Variants in LRRC37A2 observed in about 807,000 individuals in gnomAD.
LRRC37A2 encodes the protein leucine rich repeat containing 37 member A2.
Under a neutral mutation model 68.8 loss-of-function variants are expected in LRRC37A2, and 9 were observed. That is an observed-to-expected ratio of 0.13 (90% CI 0.08 to 0.23). LRRC37A2 has a LOEUF of 0.23. LRRC37A2 is among the 10% of genes least tolerant of loss of function. The pLI is 1.00. For synonymous variants in LRRC37A2, 63 were observed against 367.6 expected (o/e 0.17, Z 9.48); for missense variants, 168 against 950.4 (o/e 0.18, Z 10.82).
At chr17:46,751,432 G>C in the LRRC37A2 span, 1 of 1,067,468 alleles carries the variant, frequency 9.4e-7, no homozygotes, top group Non-Finnish European at 1.4e-6. Context: ...TCTTTTAAAG[G>C]TAAATAGAAT....
chr17:46,942,639 G>T, the LRRC37A2 span, among the ~76,000 whole-genome samples: 1 of 152,220 alleles, frequency 6.6e-6, no homozygotes, highest in African/African-American at 2.4e-5. Context: ...GTTCCCTGTT[G>T]GGAAATAATT....
chr17:46,745,572 G>A, the LRRC37A2 span, among the ~76,000 whole-genome samples: 1 of 152,200 alleles, frequency 6.6e-6, no homozygotes, highest in Admixed American at 6.5e-5. Flanking sequence ...CGGCTTTCTG[G>A]AATGAGTAAG....
the LRRC37A2 span, chr17:46,768,529 T>G: frequency 6.2e-7 from 1 of 1,614,206 alleles, no homozygotes; most frequent in Non-Finnish European, 8.5e-7. This position sits in a 1 kb window ranked among gnomAD's most constrained non-coding sequence, Gnocchi z 5.0. Context: ...GTCTCTGGGT[T>G]GGGCTCACAA....
chr17:46,857,266 C>T, the LRRC37A2 span, among the ~76,000 whole-genome samples: 3 of 151,888 alleles, frequency 2.0e-5, no homozygotes, highest in Admixed American at 6.6e-5. Context: ...GTCTGGAGTT[C>T]GAGACCAGCC....
the LRRC37A2 span, chr17:46,936,640 A>T: frequency 1.0e-5 from 10 of 984,988 alleles, no homozygotes; most frequent in Non-Finnish European, 1.2e-5. Context: ...GCTGAAAATG[A>T]ATACATTTTT....
At chr17:46,771,062 C>G in the LRRC37A2 span, among the ~76,000 whole-genome samples, 1 of 152,210 alleles carries the variant, frequency 6.6e-6, no homozygotes, top group African/African-American at 2.4e-5. Flanking sequence ...CGCCTCCCCT[C>G]CTGGGCTGTG....
At chr17:46,739,362 C>T in the LRRC37A2 span, among the ~76,000 whole-genome samples, 1 of 96,586 alleles carries the variant, frequency 1.0e-5, no homozygotes, top group African/African-American at 4.3e-5. Flanking sequence ...CAGAGCGAGA[C>T]TCTGTCTCAA....
At chr17:46,716,261 CTT>C in the LRRC37A2 span, among the ~76,000 whole-genome samples, 2 of 143,752 alleles carry the variant, frequency 1.4e-5, no homozygotes, top group Non-Finnish European at 3.0e-5. Context: ...CTTGCCCCTC[CTT>C]TTTTTTTTTT....
chr17:46,860,837 C>T, the LRRC37A2 span, among the ~76,000 whole-genome samples: 1 of 152,132 alleles, frequency 6.6e-6, no homozygotes. Context: ...TGATATAATT[C>T]TCATTTATTT....
the LRRC37A2 span, among the ~76,000 whole-genome samples, chr17:46,895,216 C>T: frequency 5.8e-4 from 89 of 152,370 alleles, 1 homozygote; most frequent in African/African-American, 2.0e-3. Flanking sequence ...GTTCAGCCAC[C>T]GGTCAGTGCG....
Position 46,553,470 on chromosome 17 carries a change from T to G in LRRC37A2, c.4859+21T>G, listed in dbSNP as rs764089726. The G allele has an allele frequency of 1.9e-6, 3 of 1,607,452 alleles. No individual in the cohort carries two copies. The Admixed American group carries it at 5.0e-5, about 27-fold the overall frequency. On this transcript the variant is annotated intron_variant, in intron 12 of 14. Coordinates refer to ENST00000576629, the Ensembl canonical transcript of LRRC37A2. ...TCAAGGTAAATATTAGTCTGGTGAT[T>G]TTTTTTTTCTTCTCTTTTGAGACGG... is the stretch of plus-strand genomic sequence containing the variant.
the LRRC37A2 span, among the ~76,000 whole-genome samples, chr17:46,990,498 G>A: frequency 6.6e-5 from 10 of 152,144 alleles, no homozygotes; most frequent in Non-Finnish European, 1.2e-4. Flanking sequence ...TCCCCCAGTC[G>A]TTGTAAGGGG....
intron 6 of LRRC37A2, among the ~76,000 whole-genome samples, chr17:46,534,864 C>T (rs1308608854): frequency 2.0e-5 from 3 of 149,456 alleles, no homozygotes; most frequent in Non-Finnish European, 2.9e-5. Flanking sequence ...GGCTGCCGGG[C>T]AGAGGGGCTC....
chr17:46,876,843 C>A, the LRRC37A2 span: 5 of 1,430,454 alleles, frequency 3.5e-6, no homozygotes, highest in Non-Finnish European at 4.6e-6. Flanking sequence ...TGTGCCAATG[C>A]ACACGAGTGT....
the LRRC37A2 span, among the ~76,000 whole-genome samples, chr17:46,782,682 T>C: frequency 1.3e-5 from 2 of 152,210 alleles, no homozygotes; most frequent in African/African-American, 4.8e-5. Context: ...TGGTGGGCTC[T>C]GATGCACCCA....
At chr17:46,388,391 ATAC>A in the LRRC37A2 span, among the ~76,000 whole-genome samples, 1 of 65,932 alleles carries the variant, frequency 1.5e-5, no homozygotes, top group Admixed American at 1.5e-4. Context: ...TCTACTAAAA[ATAC>A]AAAAAAAAAA....
chr17:46,930,466 C>G, the LRRC37A2 span: 1 of 152,020 alleles, frequency 6.6e-6, no homozygotes, highest in African/African-American at 2.4e-5. Context: ...GGAAAATGAC[C>G]GTATTTATCG....
chr17:46,492,511 C>A, the LRRC37A2 span, among the ~76,000 whole-genome samples: 2 of 150,144 alleles, frequency 1.3e-5, no homozygotes, highest in African/African-American at 5.0e-5. Flanking sequence ...GAACACAATT[C>A]TTGTTTCTCT....
the LRRC37A2 span, among the ~76,000 whole-genome samples, chr17:46,910,986 A>G: frequency 6.6e-6 from 1 of 152,192 alleles, no homozygotes; most frequent in Admixed American, 6.5e-5. Context: ...TGACATGCAT[A>G]TGGCGGTGCC....
Sources: gnomAD v4.1 joint callset for allele counts (sites outside exome capture counted in the v4.1 genomes callset) on GRCh38, gnomAD v4.1.1 for gene constraint, Gnocchi (gnomAD v3.1) non-coding constraint, MANE v1.5 for transcripts, NCBI Gene and HGNC (gene_info 2026-07-23, HGNC 2026-07-21) for gene names.